NCKAP1: variants seen among roughly 807,000 people sequenced by gnomAD.
NCKAP1 encodes nck-associated protein 1.
In NCKAP1, 21 loss-of-function variants were observed where a neutral mutation model predicts 151.2. The ratio of observed to expected loss-of-function variants is 0.14; its 90% CI spans 0.10 to 0.20. The LOEUF (loss-of-function observed/expected upper bound fraction) is 0.20, where lower values mean the gene tolerates loss of function less well. NCKAP1 is among the 10% of genes least tolerant of loss of function. The pLI is 1.00. For missense variants in NCKAP1, 933 were observed against 1,352.1 expected (o/e 0.69, Z 4.86); for synonymous variants, 484 against 451.8 (o/e 1.07, Z -0.90).
chr2:183,008,687 A>G (rs1698529308), intron 2 of NCKAP1, among the ~76,000 whole-genome samples: 1 of 152,206 alleles, frequency 6.6e-6, no homozygotes, highest in Admixed American at 6.5e-5. Flanking sequence ...AGATACTACC[A>G]ATTTTAAAAT....
chr2:183,002,351 G>T, intron 4 of NCKAP1, 82 bp from the exon 5 acceptor site: 1 of 936,126 alleles, frequency 1.1e-6, no homozygotes, highest in Non-Finnish European at 1.5e-6. Flanking sequence ...AGAAGCTATT[G>T]AGAGCTAATA....
chr2:183,022,415 T>C (rs1698813129), intron 2 of NCKAP1, among the ~76,000 whole-genome samples: 1 of 152,202 alleles, frequency 6.6e-6, no homozygotes, highest in Non-Finnish European at 1.5e-5. Context: ...ACAAAAGTGT[T>C]AAGAAGTGCA....
chr2:182,973,436 G>C (rs1051770816), intron 15 of NCKAP1, among the ~76,000 whole-genome samples: 1 of 152,080 alleles, frequency 6.6e-6, no homozygotes, highest in African/African-American at 2.4e-5. Context: ...ACAACAGAAT[G>C]AGATCACTTA....
intron 3 of NCKAP1, 97 bp from the exon 4 acceptor site, chr2:183,003,127 G>T (rs1160014422): frequency 7.7e-7 from 1 of 1,304,138 alleles, no homozygotes; most frequent in Non-Finnish European, 1.1e-6. Context: ...TTCAGTTCTG[G>T]AAGAATTTCA....
At chr2:183,024,022 A>G (rs1003420766) in intron 1 of NCKAP1, 106 bp from the exon 2 acceptor site, 2 of 883,918 alleles carry the variant, frequency 2.3e-6, no homozygotes, top group African/African-American at 3.4e-5. Context: ...GTTTTTGGTG[A>G]GCAGGTGATA....
At chr2:182,935,943 C>T (rs1475008396) in intron 24 of NCKAP1, among the ~76,000 whole-genome samples, 1 of 151,970 alleles carries the variant, frequency 6.6e-6, no homozygotes, top group Non-Finnish European at 1.5e-5. Context: ...GGTTAGAGAG[C>T]ATTATTCTAA....
At chr2:183,032,002 T>C (rs1453689819) in intron 1 of NCKAP1, among the ~76,000 whole-genome samples, 1 of 152,170 alleles carries the variant, frequency 6.6e-6, no homozygotes, top group Non-Finnish European at 1.5e-5. Context: ...ATTACAGGTA[T>C]TTAAGAATTT....
chr2:182,983,316 G>A lies in NCKAP1; in HGVS notation c.1071C>T (p.Leu357=). The A allele has an allele frequency of 6.2e-7, 1 of 1,612,436 alleles. No homozygotes were observed. The highest frequency in any genetic ancestry group is 1.1e-5 in the South Asian group (1 of 90,980). ...GACCTAGCAATCCAGGTTGATCAGA[G>A]AGGACAGTAGCCAATTCCTTCAGTG... The part of the protein sequence containing the change: ...RSALKELATV[L]SDQPGLLGPK... Residue 357 remains leucine, a synonymous_variant, in exon 11 of 31, where the codon CTC becomes CTT. Transcript: ENST00000361354.
Position 182,915,719 on chromosome 2 carries a change from T to A in NCKAP1, c.*9983A>T, listed in dbSNP as rs1307458887. On this transcript the variant is annotated 3_prime_UTR_variant, in exon 31 of 31. Coordinates refer to ENST00000361354, the MANE Select transcript of NCKAP1 (RefSeq NM_013436.5). The stretch of plus-strand genomic sequence containing the variant: ...GTAAAGGGGTAAGATTACAGTTAAG[T>A]GTCTCACAGCTCCTGTCTTTTCTAT... The A allele has an allele frequency of 1.3e-5, 2 of 152,086 alleles. No individual in the cohort carries two copies. The allele number at this position is 152,086 out of a possible 1,614,324, so 9.4% of individuals were successfully genotyped here.
intron 11 of NCKAP1, 35 bp downstream of exon 11, chr2:182,983,251 G>T: frequency 6.8e-7 from 1 of 1,471,696 alleles, no homozygotes; most frequent in Non-Finnish European, 9.3e-7. Context: ...ATTTTAATAT[G>T]GCACAATTAT....
At chr2:182,994,985 C>T (rs747237697) in intron 7 of NCKAP1, 98 bp from the exon 8 acceptor site, 181 of 928,076 alleles carry the variant, frequency 2.0e-4, no homozygotes, top group Non-Finnish European at 2.9e-4. Flanking sequence ...ACTTACTACC[C>T]AATTCTTCGC....
chr2:183,004,637 A>C (rs1367592219), intron 2 of NCKAP1, among the ~76,000 whole-genome samples: 1 of 152,146 alleles, frequency 6.6e-6, no homozygotes, highest in African/African-American at 2.4e-5. Flanking sequence ...TAATCCCAGC[A>C]CTTTGGAAGG....
In NCKAP1 at chr2:182,925,442, G is replaced by A; in HGVS notation, c.*260C>T. ...CATTATCAAATATCAAAAACATGTT[G>A]ATAATGTATGTTTTTCAAATAAATG... is the stretch of plus-strand genomic sequence containing the variant. On this transcript the variant is annotated 3_prime_UTR_variant, in exon 31 of 31. Coordinates refer to ENST00000361354, the MANE Select transcript of NCKAP1 (RefSeq NM_013436.5). The A allele has an allele frequency of 4.7e-6, 1 of 211,080 alleles. No individual in the cohort carries two copies. Among genetic ancestry groups the A allele is most frequent in the Non-Finnish European group, 9.5e-6 (1 of 105,242 alleles). The allele number at this position is 211,080 out of a possible 1,614,324, so 13.1% of individuals were successfully genotyped here.
At chr2:182,975,350 T>C (rs1298025423) in intron 15 of NCKAP1, among the ~76,000 whole-genome samples, 1 of 152,138 alleles carries the variant, frequency 6.6e-6, no homozygotes, top group East Asian at 1.9e-4. Context: ...CTTTTATTTA[T>C]AAAAGTCTTC....
chr2:182,995,624 C>T, intron 7 of NCKAP1, 77 bp downstream of exon 7: 1 of 1,350,576 alleles, frequency 7.4e-7, no homozygotes, highest in Non-Finnish European at 1.0e-6. Flanking sequence ...TAGAAACAAA[C>T]AGCAACAGCA....
intron 1 of NCKAP1, among the ~76,000 whole-genome samples, chr2:183,028,104 C>T (rs1698932046): frequency 6.6e-6 from 1 of 151,720 alleles, no homozygotes; most frequent in South Asian, 2.1e-4. Context: ...ACTTCTATCC[C>T]CCATACTCCC....
intron 2 of NCKAP1, among the ~76,000 whole-genome samples, chr2:183,015,529 A>C (rs1382766360): frequency 6.6e-6 from 1 of 151,986 alleles, no homozygotes; most frequent in Non-Finnish European, 1.5e-5. Context: ...ATAAGGCCAA[A>C]TAAATTTAAA....
chr2:182,934,139 ATCTT>A (rs1022810862), intron 26 of NCKAP1, among the ~76,000 whole-genome samples: 3 of 151,694 alleles, frequency 2.0e-5, no homozygotes, highest in East Asian at 1.9e-4. Context: ...TCATTGCTTC[ATCTT>A]TCTTTTTTTT....
intron 4 of NCKAP1, among the ~76,000 whole-genome samples, chr2:183,002,518 A>C (rs1244179086): frequency 1.3e-5 from 2 of 152,142 alleles, no homozygotes; most frequent in Admixed American, 6.5e-5. Context: ...AACTGGTAAC[A>C]GTTCAAAAGA....
Sources: allele counts gnomAD v4.1 joint callset (sites outside exome capture counted in the v4.1 genomes callset), GRCh38; gene constraint gnomAD v4.1.1; transcripts MANE v1.5; gene names NCBI Gene and HGNC (gene_info 2026-07-23, HGNC 2026-07-21).